Variants in NRXN3 observed in about 807,000 individuals in gnomAD.
NRXN3 encodes neurexin III.
NRXN3 carries 32 observed loss-of-function variants against 137.6 expected under a neutral mutation model. The ratio of observed to expected loss-of-function variants is 0.23; its 90% confidence interval spans 0.18 to 0.31. The LOEUF is 0.31. Among genes scored for constraint, NRXN3 ranks in the 10% least tolerant of loss-of-function variants. The probability of loss-of-function intolerance (pLI) is 1.00; values close to 1 mark genes in which losing one functional copy is unlikely to be tolerated. For synonymous variants in NRXN3, 798 were observed against 784.5 expected (o/e 1.02, Z -0.29); for missense variants, 1,574 against 2,062.5 (o/e 0.76, Z 4.59).
intron 6 of NRXN3, chr14:78,698,227 A>C (rs1354133165): frequency 6.6e-6 from 1 of 152,114 alleles, no homozygotes; most frequent in Non-Finnish European, 1.5e-5. Flanking sequence ...TGGATTGCTT[A>C]CAATACCTGC....
intron 14 of NRXN3, among the ~76,000 whole-genome samples, chr14:78,986,794 G>T (rs1433092421): frequency 6.6e-6 from 1 of 151,850 alleles, no homozygotes; most frequent in African/African-American, 2.4e-5. Context: ...AGGCTGAGGT[G>T]GGCAGATCAC....
At chr14:79,668,750 A>G (rs2098586329) in intron 17 of NRXN3, among the ~76,000 whole-genome samples, 1 of 152,062 alleles carries the variant, frequency 6.6e-6, no homozygotes, top group Non-Finnish European at 1.5e-5. Flanking sequence ...GTTTAGCAGC[A>G]TCCATGACTT....
intron 8 of NRXN3, among the ~76,000 whole-genome samples, chr14:78,725,885 A>T (rs2098480847): frequency 6.6e-6 from 1 of 152,204 alleles, no homozygotes; most frequent in African/African-American, 2.4e-5. Flanking sequence ...TAGCTTATTT[A>T]ATCTTTGCAA....
intron 8 of NRXN3, among the ~76,000 whole-genome samples, chr14:78,784,561 G>A (rs1381979580): frequency 1.3e-5 from 2 of 152,178 alleles, no homozygotes; most frequent in Admixed American, 6.5e-5. Context: ...AAGAAATCAC[G>A]TAGGACTTGG....
chr14:78,961,531 G>A (rs747987040), intron 11 of NRXN3, among the ~76,000 whole-genome samples: 6 of 152,188 alleles, frequency 3.9e-5, no homozygotes, highest in East Asian at 1.9e-4. Context: ...CAATCATTTC[G>A]GAGGAAGGGA....
chr14:78,947,622 A>C (rs2099368645), intron 10 of NRXN3, among the ~76,000 whole-genome samples: 1 of 152,214 alleles, frequency 6.6e-6, no homozygotes, highest in Non-Finnish European at 1.5e-5. Flanking sequence ...AGTTCCCAAA[A>C]GTCCTCCATG....
intron 15 of NRXN3, among the ~76,000 whole-genome samples, chr14:79,390,816 C>A (rs1259816305): frequency 1.3e-5 from 2 of 152,144 alleles, no homozygotes; most frequent in Non-Finnish European, 2.9e-5. Context: ...CTCAAGGCAA[C>A]AGTGTTGGTG....
chr14:79,239,799 T>C (rs2073984116), intron 15 of NRXN3, among the ~76,000 whole-genome samples: 1 of 152,126 alleles, frequency 6.6e-6, no homozygotes, highest in Non-Finnish European at 1.5e-5. Flanking sequence ...AGTAATGTGG[T>C]ATATACACAA....
intron 15 of NRXN3, among the ~76,000 whole-genome samples, chr14:79,107,813 C>T (rs1266989885): frequency 6.6e-6 from 1 of 151,962 alleles, no homozygotes; most frequent in Non-Finnish European, 1.5e-5. Context: ...GGGGTAGAAA[C>T]AGAAATATGT....
intron 10 of NRXN3, among the ~76,000 whole-genome samples, chr14:78,878,058 C>T (rs1488979093): frequency 6.6e-6 from 1 of 152,066 alleles, no homozygotes; most frequent in African/African-American, 2.4e-5. Context: ...AATTTGGTCA[C>T]TGTTCATTAG....
At chr14:79,194,970 T>TC (rs1196128404) in intron 15 of NRXN3, among the ~76,000 whole-genome samples, 1 of 152,114 alleles carries the variant, frequency 6.6e-6, no homozygotes, top group African/African-American at 2.4e-5. Context: ...CTTTTTTTTT[T>TC]CTCTGATATT....
chr14:78,494,587 G>C (rs1216810889), intron 4 of NRXN3, among the ~76,000 whole-genome samples: 5 of 152,052 alleles, frequency 3.3e-5, no homozygotes, highest in Admixed American at 2.6e-4. Flanking sequence ...TGTAGCACTG[G>C]AAGAATATTT....
chr14:79,102,724 G>A (rs2051575365), intron 15 of NRXN3, among the ~76,000 whole-genome samples: 1 of 152,152 alleles, frequency 6.6e-6, no homozygotes, highest in African/African-American at 2.4e-5. Context: ...TTTGAACTGT[G>A]TCTTCAAGGA....
At chr14:79,247,698 T>G (rs966620648) in intron 15 of NRXN3, among the ~76,000 whole-genome samples, 1 of 152,170 alleles carries the variant, frequency 6.6e-6, no homozygotes, top group Non-Finnish European at 1.5e-5. Context: ...TTTCCTAGAC[T>G]GTATACATAC....
At chr14:78,814,027 A>G (rs2098923597) in intron 10 of NRXN3, among the ~76,000 whole-genome samples, 2 of 151,984 alleles carry the variant, frequency 1.3e-5, no homozygotes, top group Admixed American at 6.6e-5. Context: ...TGATATATTC[A>G]TTATTATTCA....
chr14:79,598,978 G>T (rs1310300675), intron 16 of NRXN3, among the ~76,000 whole-genome samples: 5 of 152,150 alleles, frequency 3.3e-5, no homozygotes, highest in African/African-American at 1.2e-4. Context: ...TTAGTTAACT[G>T]CTGTCTGTCT....
intron 10 of NRXN3, among the ~76,000 whole-genome samples, chr14:78,876,880 T>C (rs1300271209): frequency 1.3e-5 from 2 of 152,180 alleles, no homozygotes; most frequent in African/African-American, 4.8e-5. Context: ...TATTACTGTT[T>C]TCAGTCACTC....
At chr14:79,547,576 C>T (rs1378745362) in intron 16 of NRXN3, among the ~76,000 whole-genome samples, 2 of 152,162 alleles carry the variant, frequency 1.3e-5, no homozygotes, top group Non-Finnish European at 2.9e-5. Flanking sequence ...CAGGTCTCTT[C>T]TCTCCAAGGA....
intron 15 of NRXN3, chr14:79,280,050 C>T: frequency 7.5e-7 from 1 of 1,333,718 alleles, no homozygotes; most frequent in Non-Finnish European, 9.6e-7. Context: ...AGGACCCTGG[C>T]ATTCTAAATT....
Sources: allele counts gnomAD v4.1 joint callset (sites outside exome capture counted in the v4.1 genomes callset), GRCh38; gene constraint gnomAD v4.1.1; transcripts MANE v1.5; gene names NCBI Gene and HGNC (gene_info 2026-07-23, HGNC 2026-07-21).